The following AVEN variants were observed in gnomAD, a reference collection of about 807,000 sequenced individuals.
AVEN encodes the protein cell death regulator Aven.
In AVEN, 41 loss-of-function variants were observed where a neutral mutation model predicts 38.1. That is an observed-to-expected ratio of 1.08 (90% CI 0.84 to 1.40). The LOEUF is 1.40. Among genes scored for constraint, AVEN ranks in the 40% most tolerant of loss-of-function variants. AVEN has a pLI of 0.00. For synonymous variants in AVEN, 206 were observed against 171.8 expected, an observed-to-expected ratio of 1.20 and a Z score of -1.56; for missense variants, 605 against 438.8, an observed-to-expected ratio of 1.38 and a Z score of -3.38.
intron 2 of AVEN, among the ~76,000 whole-genome samples, chr15:33,887,567 G>A (rs1160764697): frequency 2.0e-5 from 3 of 152,058 alleles, no homozygotes; most frequent in Non-Finnish European, 4.4e-5. Context: ...ACAACTATGT[G>A]CCAAACACTA....
chr15:33,897,329 ACT>A (rs1892274135), intron 2 of AVEN, among the ~76,000 whole-genome samples: 1 of 151,766 alleles, frequency 6.6e-6, no homozygotes, highest in Non-Finnish European at 1.5e-5. Flanking sequence ...ATGGACTCAC[ACT>A]CTATCGCCCA....
At chr15:33,885,713 G>A (rs1437100302) in intron 2 of AVEN, 1 of 152,108 alleles carries the variant, frequency 6.6e-6, no homozygotes, top group Non-Finnish European at 1.5e-5. Context: ...CCATTAAAAA[G>A]CTGCTTCCCC....
At chr15:33,909,800 A>G (rs960132514) in intron 2 of AVEN, among the ~76,000 whole-genome samples, 6 of 152,318 alleles carry the variant, frequency 3.9e-5, no homozygotes, top group African/African-American at 1.4e-4. Flanking sequence ...AACTGCCACA[A>G]CTTTGCATTT....
At chr15:33,914,350 GAAGT>G (rs780054287) in intron 2 of AVEN, among the ~76,000 whole-genome samples, 5 of 152,110 alleles carry the variant, frequency 3.3e-5, no homozygotes, top group Admixed American at 6.6e-5. Context: ...AGATGCCAAA[GAAGT>G]AAGTCCAGAA....
At chr15:33,915,160 A>C (rs1248599804) in intron 2 of AVEN, among the ~76,000 whole-genome samples, 2 of 152,174 alleles carry the variant, frequency 1.3e-5, no homozygotes, top group African/African-American at 4.8e-5. Context: ...AAAATGGTAG[A>C]TAGGAGGCAG....
At chr15:33,953,808 C>T (rs892047971) in intron 2 of AVEN, among the ~76,000 whole-genome samples, 3 of 152,092 alleles carry the variant, frequency 2.0e-5, no homozygotes, top group African/African-American at 4.8e-5. Flanking sequence ...TTAAACTAAA[C>T]GGCTTCTGCA....
chr15:34,047,810 G>A (rs1275851925), intron 5 of AVEN, among the ~76,000 whole-genome samples: 4 of 152,006 alleles, frequency 2.6e-5, no homozygotes, highest in African/African-American at 9.7e-5. Flanking sequence ...GTGCAATGGC[G>A]CAATCTCGGC....
At chr15:34,055,451 G>A (rs986884765) in intron 5 of AVEN, among the ~76,000 whole-genome samples, 12 of 152,030 alleles carry the variant, frequency 7.9e-5, no homozygotes, top group African/African-American at 2.9e-4. Flanking sequence ...GTTACAGTGA[G>A]CTGTGATCAC....
At chr15:33,875,265 G>C (rs1891170350) in intron 3 of AVEN, among the ~76,000 whole-genome samples, 1 of 152,164 alleles carries the variant, frequency 6.6e-6, no homozygotes. Context: ...TCTAGGCCTG[G>C]AGTTGGGGAG....
intron 1 of AVEN, among the ~76,000 whole-genome samples, chr15:34,024,840 G>A (rs1197302119): frequency 7.0e-5 from 10 of 143,688 alleles, no homozygotes; most frequent in African/African-American, 1.8e-4. Flanking sequence ...CAGCCTGGGC[G>A]ACAAAGCAAG....
chr15:33,927,507 A>G (rs74007129), intron 2 of AVEN, among the ~76,000 whole-genome samples: 28 of 152,228 alleles, frequency 1.8e-4, no homozygotes, highest in African/African-American at 6.5e-4. Flanking sequence ...ATACTTTGCT[A>G]TGATGTTCTG....
At chr15:34,056,284 G>T (rs1900145560) in intron 5 of AVEN, among the ~76,000 whole-genome samples, 1 of 152,188 alleles carries the variant, frequency 6.6e-6, no homozygotes, top group South Asian at 2.1e-4. Context: ...GGCCCAGAGA[G>T]AATACATGGC....
At chr15:33,936,031 AG>A (rs1894045773) in intron 2 of AVEN, among the ~76,000 whole-genome samples, 2 of 152,222 alleles carry the variant, frequency 1.3e-5, no homozygotes, top group South Asian at 4.1e-4. Context: ...GATTTAAAAA[AG>A]CAAAAATACG....
intron 2 of AVEN, among the ~76,000 whole-genome samples, chr15:33,885,935 C>T (rs932656129): frequency 2.0e-5 from 3 of 152,148 alleles, no homozygotes; most frequent in African/African-American, 7.2e-5. Context: ...AGGCCAGCAT[C>T]AAACCCTGGC....
chr15:33,866,810 T>A, intron 5 of AVEN, 82 bp from the exon 6 acceptor site: 1 of 973,850 alleles, frequency 1.0e-6, no homozygotes, highest in South Asian at 1.5e-5. Flanking sequence ...ATTACTTTCC[T>A]TACAACAAGG....
At chr15:34,006,785 G>C (rs573050229) in intron 1 of AVEN, among the ~76,000 whole-genome samples, 1 of 152,242 alleles carries the variant, frequency 6.6e-6, no homozygotes, top group Non-Finnish European at 1.5e-5. Context: ...AGAGTAGTAA[G>C]AAGTAATATA....
Position 33,866,253 on chromosome 15 carries a change from G to A in AVEN, c.*360C>T, listed in dbSNP as rs1387124056. 3 of 213,118 alleles carry A rather than the reference G, an allele frequency of 1.4e-5. No individual in the cohort carries two copies. The highest frequency in any genetic ancestry group is 2.8e-5 in the Non-Finnish European group (3 of 106,722). 13.2% of individuals were successfully genotyped at this position (213,118 alleles called of 1,614,324 possible). Reference sequence around the variant, plus strand: ...GGACAGACCAGCATTTGTTTATTTTGGCCAAATGCATGCCTTGTTTGCATC... The same window carrying A: ...GGACAGACCAGCATTTGTTTATTTTAGCCAAATGCATGCCTTGTTTGCATC... On this transcript the variant is annotated 3_prime_UTR_variant, in exon 6 of 6. Transcript: ENST00000306730.
At chr15:33,952,045 A>G (rs1168827927) in intron 2 of AVEN, among the ~76,000 whole-genome samples, 1 of 152,212 alleles carries the variant, frequency 6.6e-6, no homozygotes, top group African/African-American at 2.4e-5. Flanking sequence ...TTTCAATAGC[A>G]AGATGTATAG....
intron 5 of AVEN, among the ~76,000 whole-genome samples, chr15:34,060,530 C>T (rs184824936): frequency 1.0e-3 from 153 of 152,292 alleles, no homozygotes; most frequent in African/African-American, 3.5e-3. Context: ...ATAGGCAGAG[C>T]AGAAATACCC....
Sources: gnomAD v4.1 joint callset for allele counts (sites outside exome capture counted in the v4.1 genomes callset) on GRCh38, gnomAD v4.1.1 for gene constraint, MANE v1.5 for transcripts, NCBI Gene and HGNC (gene_info 2026-07-23, HGNC 2026-07-21) for gene names.